Variants in ELL observed in about 807,000 individuals in gnomAD.
ELL encodes RNA polymerase II elongation factor ELL.
A neutral mutation model predicts 64.0 loss-of-function variants in ELL; 18 were observed. That is an observed-to-expected ratio of 0.28 (90% CI 0.19 to 0.42). The LOEUF (loss-of-function observed/expected upper bound fraction) is 0.42. Ranked by LOEUF, ELL falls within the 10% of genes least tolerant of loss-of-function variation. The pLI, the probability that ELL is intolerant of heterozygous loss-of-function variation, is 1.00. For missense variants in ELL, 797 were observed against 870.4 expected (o/e 0.92, Z 1.06); for synonymous variants, 399 against 376.2 (o/e 1.06, Z -0.70).
chr19:18,499,900 T>C (rs1359034626), intron 1 of ELL, among the ~76,000 whole-genome samples: 1 of 152,158 alleles, frequency 6.6e-6, no homozygotes, highest in Non-Finnish European at 1.5e-5. Flanking sequence ...TCAGTGACCT[T>C]TCTCAAAACT....
intron 2 of ELL, among the ~76,000 whole-genome samples, chr19:18,472,033 G>A (rs1220179123): frequency 6.6e-6 from 1 of 151,944 alleles, no homozygotes; most frequent in Non-Finnish European, 1.5e-5. Flanking sequence ...TGCGATCTCG[G>A]CTCACTGCAA....
At chr19:18,494,245 AG>A (rs1377143063) in intron 1 of ELL, among the ~76,000 whole-genome samples, 1 of 145,416 alleles carries the variant, frequency 6.9e-6, no homozygotes, top group Non-Finnish European at 1.5e-5. Context: ...TTTTAAAAAG[AG>A]GGGAGGGGAA....
intron 1 of ELL, among the ~76,000 whole-genome samples, chr19:18,509,601 A>ACGCGCG: frequency 5.7e-5 from 1 of 17,542 alleles, no homozygotes; most frequent in South Asian, 1.8e-3. Context: ...GCGCACATAC[A>ACGCGCG]CACACACACA....
chr19:18,461,598 G>A lies in ELL; in HGVS notation c.724C>T (p.Leu242=), dbSNP rs1008669285. 1.2e-6 allele frequency: 2 copies of A among 1,603,804 alleles called. No individual in the cohort carries two copies. The highest frequency in any genetic ancestry group is 2.2e-5 in the East Asian group (1 of 44,848). ...CCCACCTGCTGGAGGAGGCCATCCA[G>A]CGCGTCCTTGTCCGCCTGCGTCAGG... ...DGLTQADKDA[L]DGLLQQVANM... is the part of the protein sequence containing the mutation. Residue 242 remains leucine (L), a synonymous_variant, in exon 5 of 12, where the codon CTG becomes TTG. Coordinates refer to ENST00000262809, the MANE Select transcript of ELL (RefSeq NM_006532.4).
chr19:18,454,619 T>C (rs1974614439), intron 6 of ELL, among the ~76,000 whole-genome samples: 1 of 151,678 alleles, frequency 6.6e-6, no homozygotes, highest in South Asian at 2.1e-4. Context: ...GATGGGCAGA[T>C]TACCTGAGGT....
chr19:18,514,708 G>GT, intron 1 of ELL, among the ~76,000 whole-genome samples: 1 of 152,262 alleles, frequency 6.6e-6, no homozygotes, highest in East Asian at 1.9e-4. Flanking sequence ...AGGAGAAAGT[G>GT]TAACAACTGA....
At chr19:18,507,465 C>T (rs1203642362) in intron 1 of ELL, among the ~76,000 whole-genome samples, 2 of 152,228 alleles carry the variant, frequency 1.3e-5, no homozygotes, top group African/African-American at 2.4e-5. Context: ...GCACTTGCCC[C>T]GAGCTAAGAA....
intron 6 of ELL, among the ~76,000 whole-genome samples, 169 bp from the exon 7 acceptor site, chr19:18,451,817 G>A (rs1236261567): frequency 1.3e-5 from 2 of 152,166 alleles, no homozygotes; most frequent in African/African-American, 4.8e-5. Flanking sequence ...AGGCCATCCT[G>A]CCCCCGACTT....
intron 1 of ELL, among the ~76,000 whole-genome samples, chr19:18,510,547 G>C (rs555700700): frequency 6.6e-6 from 1 of 152,078 alleles, no homozygotes; most frequent in Non-Finnish European, 1.5e-5. Context: ...GATCCTGCTC[G>C]AGACCTTCCT....
intron 10 of ELL, among the ~76,000 whole-genome samples, chr19:18,445,754 C>T (rs1282619166): frequency 2.0e-5 from 3 of 152,080 alleles, no homozygotes; most frequent in South Asian, 2.1e-4. Context: ...GCAGGTGGGG[C>T]GGCTACGTCC....
rs751440732 is a variant in ELL, at chr19:18,450,696, C to T, written c.1246G>A (p.Ala416Thr). 8 of 1,585,140 alleles carry T rather than the reference C, an allele frequency of 5.0e-6. No homozygotes were observed. In the East Asian group the frequency reaches 1.8e-4, roughly 36 times the overall value. The change falls in exon 8 of 12, where the codon GCG (alanine) becomes ACG (threonine). Residue 416 changes from alanine to threonine, a missense_variant. Physicochemically the swap from Ala to Thr is moderately conservative, Grantham distance 58 (BLOSUM62 0). Transcript: ENST00000262809. ...HSGRDCEHGEAAAPAPTVRLG... is the reference protein window; with the variant it reads ...HSGRDCEHGETAAPAPTVRLG... ...CGCACAGTGGGGGCTGGGGCAGCCG[C>T]CTCTCCGTGCTCACAGTCTCGGCCG...
At position 18,465,835 on chromosome 19, in the gene ELL, G is replaced by C; in HGVS notation, c.267C>G (p.Pro89=). 7.4e-7 allele frequency: 1 copy of C among 1,357,286 alleles called. No individual in the cohort carries two copies. 84.1% of individuals were successfully genotyped at this position (1,357,286 alleles called of 1,614,324 possible). A position where few individuals can be genotyped will look rare whatever the true frequency, so the allele number is the denominator to read the frequency against. The change falls in exon 3 of 12, where the codon CCC becomes CCG. Residue 89 remains proline, a synonymous_variant. Coordinates refer to ENST00000262809, the MANE Select transcript of ELL (RefSeq NM_006532.4). The stretch of plus-strand genomic sequence containing the variant: ...GCTGGATGCAGTCGAAGCTGCCCTG[G>C]GGGTTGTCGCGGCCGATGTTGGAGA... ...FYLSNIGRDN[P]QGSFDCIQQY...
At chr19:18,467,045 G>A (rs542588135) in intron 2 of ELL, among the ~76,000 whole-genome samples, 44 of 152,310 alleles carry the variant, frequency 2.9e-4, no homozygotes, top group African/African-American at 8.9e-4. Flanking sequence ...CCAATCCCCG[G>A]CCCTGCTGTG....
intron 1 of ELL, among the ~76,000 whole-genome samples, chr19:18,484,831 G>C (rs564659268): frequency 1.7e-4 from 26 of 152,242 alleles, no homozygotes; most frequent in Non-Finnish European, 3.2e-4. Context: ...TGAACGGAAG[G>C]CCTTCGAGAA....
At chr19:18,469,583 C>A (rs1975019036) in intron 2 of ELL, among the ~76,000 whole-genome samples, 1 of 152,214 alleles carries the variant, frequency 6.6e-6, no homozygotes, top group African/African-American at 2.4e-5. Context: ...CACAGCAGGT[C>A]TGGGTATGTC....
intron 1 of ELL, among the ~76,000 whole-genome samples, chr19:18,489,646 C>G (rs757755547): frequency 3.9e-5 from 6 of 152,204 alleles, no homozygotes; most frequent in Non-Finnish European, 8.8e-5. Flanking sequence ...GCAGCCCACG[C>G]TGGCCCCTTC....
At position 18,446,354 on chromosome 19, in the gene ELL, G is replaced by C. The variant is rs771579478; in HGVS notation, c.1659C>G (p.Leu553=). The C allele has an allele frequency of 1.2e-6, 2 of 1,605,018 alleles. No individual in the cohort carries two copies. Among genetic ancestry groups the C allele is most frequent in the Non-Finnish European group, 1.7e-6 (2 of 1,177,628 alleles). ...IERITRRFTQ[L]DAQLRQLSQG... ...GGGAGAGCTGCCGGAGCTGGGCGTC[G>C]AGCTGGGTGAACCGCCGCGTGATGC... The change falls in exon 10 of 12, where the codon CTC becomes CTG. Residue 553 remains leucine (L), a synonymous_variant. Transcript: ENST00000262809.
At chr19:18,475,377 C>T (rs542432799) in intron 1 of ELL, among the ~76,000 whole-genome samples, 6 of 152,264 alleles carry the variant, frequency 3.9e-5, no homozygotes, top group African/African-American at 1.2e-4. Flanking sequence ...TTGGCGAGGA[C>T]CCAGAACCTC....
intron 1 of ELL, among the ~76,000 whole-genome samples, chr19:18,482,203 T>A (rs1159471874): frequency 6.6e-6 from 1 of 151,850 alleles, no homozygotes; most frequent in East Asian, 1.9e-4. Flanking sequence ...TTTTAAAAAT[T>A]GGGTCATTTT....
Sources: gnomAD v4.1 joint callset for allele counts (sites outside exome capture counted in the v4.1 genomes callset) on GRCh38, gnomAD v4.1.1 for gene constraint, MANE v1.5 for transcripts, NCBI Gene and HGNC (gene_info 2026-07-23, HGNC 2026-07-21) for gene names.